COL5A2: variants seen among roughly 807,000 people sequenced by gnomAD.
COL5A2 encodes the protein collagen type V alpha 2 chain, also known as collagen alpha-2(V) chain.
COL5A2 carries 23 observed loss-of-function variants against 208.2 expected under a neutral mutation model. That is an observed-to-expected ratio of 0.11 (90% CI 0.08 to 0.16). The LOEUF (loss-of-function observed/expected upper bound fraction) is 0.16. Among genes scored for constraint, COL5A2 ranks in the 10% least tolerant of loss-of-function variants. The probability of loss-of-function intolerance (pLI) is 1.00; values close to 1 mark genes in which losing one functional copy is unlikely to be tolerated. For synonymous variants in COL5A2, 625 were observed against 628.5 expected (o/e 0.99, Z 0.08); for missense variants, 1,590 against 1,956.4 (o/e 0.81, Z 3.53).
chr2:189,298,335 G>A, the COL5A2 span, among the ~76,000 whole-genome samples: 1 of 152,122 alleles, frequency 6.6e-6, no homozygotes, highest in African/African-American at 2.4e-5. Flanking sequence ...TGAGTTAATA[G>A]AAAAGCCTTG....
the COL5A2 span, among the ~76,000 whole-genome samples, chr2:189,368,532 G>A: frequency 2.0e-5 from 3 of 152,264 alleles, no homozygotes; most frequent in Admixed American, 6.5e-5. Context: ...TTGAATTCCT[G>A]TTAATATACT....
At chr2:189,312,140 G>A in the COL5A2 span, among the ~76,000 whole-genome samples, 4 of 151,812 alleles carry the variant, frequency 2.6e-5, no homozygotes, top group Non-Finnish European at 5.9e-5. Flanking sequence ...TCAGGTCCTC[G>A]ATGGTCTTGA....
chr2:189,272,366 A>G, the COL5A2 span, among the ~76,000 whole-genome samples: 116 of 152,260 alleles, frequency 7.6e-4, no homozygotes, highest in African/African-American at 2.8e-3. Context: ...TTGCAGGGCC[A>G]TGAATGAAGC....
Position 189,052,818 on chromosome 2 carries a change from C to G in COL5A2, c.2662-16G>C, listed in dbSNP as rs995625731. 2.5e-6 allele frequency: 4 copies of G among 1,613,936 alleles called. No individual in the cohort carries two copies. In the African/African-American group the frequency reaches 5.3e-5, roughly 22 times the overall value. ...CATTAGGACCCTGAATAGAAACAAA[C>G]AAAAGAGCACTATAGTGAAGCAAAA... On this transcript the variant is annotated splice_polypyrimidine_tract_variant and intron_variant, in intron 39 of 53. Coordinates refer to ENST00000374866, the MANE Select transcript of COL5A2 (RefSeq NM_000393.5).
intron 1 of COL5A2, among the ~76,000 whole-genome samples, chr2:189,155,655 A>G (rs1394048278): frequency 6.6e-6 from 1 of 152,122 alleles, no homozygotes; most frequent in Non-Finnish European, 1.5e-5. Flanking sequence ...GGCACTTATT[A>G]CTGGAAATTA....
intron 51 of COL5A2, among the ~76,000 whole-genome samples, chr2:189,038,835 A>G (rs1432923445): frequency 2.0e-5 from 3 of 151,928 alleles, no homozygotes; most frequent in Admixed American, 6.6e-5. Flanking sequence ...AACTACAGGC[A>G]CCCGCCACCA....
chr2:189,042,085 T>A (rs1246072439), intron 49 of COL5A2, among the ~76,000 whole-genome samples: 1 of 152,220 alleles, frequency 6.6e-6, no homozygotes, highest in Non-Finnish European at 1.5e-5. Context: ...GTACTATTAT[T>A]CTGAATTTTA....
At chr2:189,230,579 G>GA in the COL5A2 span, among the ~76,000 whole-genome samples, 5 of 151,686 alleles carry the variant, frequency 3.3e-5, no homozygotes, top group African/African-American at 1.2e-4. Flanking sequence ...ACAGGTACAT[G>GA]AAAAAATACT....
At chr2:189,143,897 A>C (rs1687987368) in intron 1 of COL5A2, among the ~76,000 whole-genome samples, 1 of 152,184 alleles carries the variant, frequency 6.6e-6, no homozygotes, top group Admixed American at 6.5e-5. Flanking sequence ...CATACGTATT[A>C]TGTGTTCAGT....
At chr2:189,355,878 T>C in the COL5A2 span, among the ~76,000 whole-genome samples, 1 of 152,230 alleles carries the variant, frequency 6.6e-6, no homozygotes. Context: ...GTGTCGATGG[T>C]CTTTACAATT....
chr2:189,336,629 G>A, the COL5A2 span, among the ~76,000 whole-genome samples: 1 of 152,182 alleles, frequency 6.6e-6, no homozygotes, highest in African/African-American at 2.4e-5. Context: ...AACAGATACT[G>A]TATGAATCAA....
the COL5A2 span, among the ~76,000 whole-genome samples, chr2:189,436,006 G>A: frequency 1.3e-5 from 2 of 152,098 alleles, no homozygotes; most frequent in Non-Finnish European, 2.9e-5. Flanking sequence ...CATAAAAAAG[G>A]ATGAATTCAT....
the COL5A2 span, among the ~76,000 whole-genome samples, chr2:189,269,463 A>G: frequency 2.6e-5 from 4 of 152,226 alleles, no homozygotes; most frequent in African/African-American, 9.6e-5. Context: ...GTTGAATTTT[A>G]TCGAAGGCCT....
the COL5A2 span, among the ~76,000 whole-genome samples, chr2:189,362,136 A>G: frequency 6.6e-6 from 1 of 152,088 alleles, no homozygotes; most frequent in African/African-American, 2.4e-5. Context: ...GGATGCATAG[A>G]ATATATGAAA....
chr2:189,047,423 A>C (rs528206032), intron 45 of COL5A2, among the ~76,000 whole-genome samples: 135 of 152,104 alleles, frequency 8.9e-4, no homozygotes, highest in African/African-American at 3.1e-3. Flanking sequence ...TTTTTTCAAT[A>C]TGAGGTTGAG....
At chr2:189,126,455 T>C (rs1467715576) in intron 1 of COL5A2, among the ~76,000 whole-genome samples, 1 of 152,066 alleles carries the variant, frequency 6.6e-6, no homozygotes, top group East Asian at 1.9e-4. Flanking sequence ...CTTTTCATAG[T>C]GCTAAACAAG....
At chr2:189,199,855 C>T (rs995277521) in intron 1 of COL5A2, among the ~76,000 whole-genome samples, 2 of 152,208 alleles carry the variant, frequency 1.3e-5, no homozygotes, top group African/African-American at 2.4e-5. Context: ...CTCCATCCTT[C>T]TTTGTACATC....
At chr2:189,095,412 T>C (rs1248962350) in intron 6 of COL5A2, among the ~76,000 whole-genome samples, 2 of 152,032 alleles carry the variant, frequency 1.3e-5, no homozygotes, top group African/African-American at 4.8e-5. Flanking sequence ...AGGAACAGAT[T>C]TCCTACTTGG....
At chr2:189,349,160 G>GT in the COL5A2 span, among the ~76,000 whole-genome samples, 16 of 152,208 alleles carry the variant, frequency 1.1e-4, no homozygotes, top group South Asian at 8.3e-4. Context: ...CTTGTCAGAT[G>GT]ATTCCTTAAT....
Sources: allele counts gnomAD v4.1 joint callset (sites outside exome capture counted in the v4.1 genomes callset), GRCh38; gene constraint gnomAD v4.1.1; transcripts MANE v1.5; gene names NCBI Gene and HGNC (gene_info 2026-07-23, HGNC 2026-07-21).